Variants in LRRIQ1 observed in about 807,000 individuals in gnomAD.
LRRIQ1 encodes leucine rich repeats and IQ motif containing 1.
In LRRIQ1, 210 loss-of-function variants were observed where a neutral mutation model predicts 211.9. The observed-to-expected ratio is 0.99, with a 90% confidence interval of 0.89 to 1.11. LRRIQ1 has a LOEUF of 1.11. Among genes scored for constraint, LRRIQ1 ranks in the 50% most tolerant of loss-of-function variants. The pLI, the probability that LRRIQ1 is intolerant of heterozygous loss-of-function variation, is 0.00. For missense variants in LRRIQ1, 2,136 were observed against 1,939.5 expected, an observed-to-expected ratio of 1.10 and a Z score of -1.90; for synonymous variants, 699 against 650.1, an observed-to-expected ratio of 1.08 and a Z score of -1.14.
chr12:85,218,873 C>G lies in LRRIQ1; in HGVS notation c.4823-10644C>G, dbSNP rs185989478. 6.5e-3 allele frequency among the ~76,000 whole-genome samples: 988 copies of G among 152,196 alleles called. 6 individuals are homozygous for G. Among genetic ancestry groups the G allele is most frequent in the Non-Finnish European group, 7.9e-3 (540 of 67,952 alleles). On this transcript the variant is annotated intron_variant, in intron 24 of 26. Transcript: ENST00000393217. ...CCTTTTGCATCAGGCTTCAATACAA[C>G]TTGGCATAACACTGTTACTAATCCT... is the stretch of plus-strand genomic sequence containing the variant.
chr12:85,164,833 A>T (rs2136760483), intron 24 of LRRIQ1, among the ~76,000 whole-genome samples: 1 of 152,330 alleles, frequency 6.6e-6, no homozygotes, highest in South Asian at 2.1e-4. Flanking sequence ...TAGAGAAAAA[A>T]GATTACCAGG....
rs1196350429 is a variant in LRRIQ1, at chr12:85,233,815, A to G, written c.5016+1059A>G. 3.3e-5 allele frequency among the ~76,000 whole-genome samples: 5 copies of G among 152,290 alleles called. No individual in the cohort carries two copies. In the East Asian group the frequency reaches 9.6e-4, roughly 29 times the overall value. On this transcript the variant is annotated intron_variant, in intron 26 of 26. Coordinates refer to ENST00000393217, the MANE Select transcript of LRRIQ1 (RefSeq NM_001079910.2). ...TGTAGATTATCCAAGGAAAATTGCT[A>G]ATTTAGGCCATTAACACTACACATA...
chr12:85,184,719 T>G (rs1892148502), intron 24 of LRRIQ1, among the ~76,000 whole-genome samples: 1 of 151,968 alleles, frequency 6.6e-6, no homozygotes, highest in Non-Finnish European at 1.5e-5. Context: ...AATTTTTTTT[T>G]GCTTTTCTGT....
At chr12:85,256,681 A>ATT (rs1896105043) in intron 1 of LRRIQ1, among the ~76,000 whole-genome samples, 2 of 151,598 alleles carry the variant, frequency 1.3e-5, no homozygotes, top group African/African-American at 4.8e-5. Context: ...TAAAGATGAA[A>ATT]TTAAGAAAAT....
At chr12:85,080,370 T>C (rs984701629) in intron 11 of LRRIQ1, among the ~76,000 whole-genome samples, 1 of 151,840 alleles carries the variant, frequency 6.6e-6, no homozygotes, top group Non-Finnish European at 1.5e-5. Flanking sequence ...ATTTAATATA[T>C]GTTAACAGAT....
At chr12:85,247,014 A>G (rs767549974), downstream of LRRIQ1, among the ~76,000 whole-genome samples, 10 of 151,532 alleles carry the variant, frequency 6.6e-5, no homozygotes, top group Non-Finnish European at 1.2e-4. Context: ...TAGAACACAA[A>G]CTGGTACAAA....
intron 26 of LRRIQ1, among the ~76,000 whole-genome samples, chr12:85,239,125 A>G (rs1219373878): frequency 6.6e-6 from 1 of 152,268 alleles, no homozygotes; most frequent in East Asian, 1.9e-4. Flanking sequence ...CCATATTTAT[A>G]AATAAGTTGA....
chr12:85,072,967 G>C lies in LRRIQ1; in HGVS notation c.2756G>C (p.Gly919Ala). 1 of 1,612,298 alleles carries C rather than the reference G, an allele frequency of 6.2e-7. No individual in the cohort carries two copies. The highest frequency in any genetic ancestry group is 1.1e-5 in the South Asian group (1 of 90,996). Residue 919 changes from glycine to alanine, a missense_variant, in exon 11 of 27, where the codon GGC (glycine) becomes GCC (alanine). Transcript: ENST00000393217. ...VDNAGFCHHLGTSTSYLSLAQ... is the reference protein window; with the variant it reads ...VDNAGFCHHLATSTSYLSLAQ... Reference sequence around the variant, plus strand: ...AATGCAGGGTTCTGCCATCACTTGGGCACCTCCACTTCTTACTTATCCCTG... The same window carrying C: ...AATGCAGGGTTCTGCCATCACTTGGCCACCTCCACTTCTTACTTATCCCTG...
intron 19 of LRRIQ1, among the ~76,000 whole-genome samples, chr12:85,140,209 C>T (rs986341496): frequency 1.3e-5 from 2 of 151,182 alleles, no homozygotes; most frequent in African/African-American, 4.8e-5. Context: ...CTTCAGTTTT[C>T]CACAACAAAC....
chr12:85,137,778 G>T, intron 18 of LRRIQ1, 72 bp from the exon 19 acceptor site: 1 of 1,260,230 alleles, frequency 7.9e-7, no homozygotes, highest in Non-Finnish European at 1.1e-6. Context: ...TCTTCCTAAT[G>T]GGATAACACA....
intron 26 of LRRIQ1, among the ~76,000 whole-genome samples, chr12:85,239,790 C>A (rs1333685460): frequency 5.3e-5 from 8 of 151,976 alleles, no homozygotes; most frequent in Non-Finnish European, 1.0e-4. Flanking sequence ...CCAGCCTGGT[C>A]AACATGATGA....
intron 24 of LRRIQ1, among the ~76,000 whole-genome samples, chr12:85,184,454 T>C (rs888993137): frequency 6.6e-5 from 10 of 152,164 alleles, no homozygotes; most frequent in African/African-American, 2.2e-4. Context: ...CTTATACATA[T>C]AGATGTGTAT....
chr12:85,257,095 A>AT, intron 1 of LRRIQ1, among the ~76,000 whole-genome samples: 1 of 113,380 alleles, frequency 8.8e-6, no homozygotes, highest in South Asian at 2.3e-4. Flanking sequence ...TATATTATAT[A>AT]ATTATATAAA....
chr12:85,134,503 T>C lies in LRRIQ1; in HGVS notation c.4210-3347T>C, dbSNP rs185892355. 1.2e-4 allele frequency among the ~76,000 whole-genome samples: 19 copies of C among 152,190 alleles called. No individual in the cohort carries two copies. In the East Asian group the frequency reaches 2.5e-3, roughly 20 times the overall value. ...TGCTATGTCATGTGTGCCTTGTATA[T>C]AATAGACATTCAGTAAATTTTGAAA... On this transcript the variant is annotated intron_variant, in intron 18 of 26. Transcript: ENST00000393217.
intron 22 of LRRIQ1, 95 bp from the exon 23 acceptor site, chr12:85,153,917 T>C (rs1273228068): frequency 2.1e-6 from 2 of 974,192 alleles, no homozygotes; most frequent in African/African-American, 1.7e-5. Context: ...TATTTTAGTA[T>C]GCTATAATTC....
chr12:85,142,806 C>A (rs1214008813), intron 19 of LRRIQ1, among the ~76,000 whole-genome samples: 1 of 151,550 alleles, frequency 6.6e-6, no homozygotes, highest in East Asian at 1.9e-4. Flanking sequence ...AAGTTCCCAT[C>A]TTTTTTATGG....
intron 26 of LRRIQ1, among the ~76,000 whole-genome samples, chr12:85,237,542 C>G (rs1895247872): frequency 6.6e-6 from 1 of 152,026 alleles, no homozygotes; most frequent in African/African-American, 2.4e-5. Flanking sequence ...CAGAAGGGAA[C>G]AGCTACTGGG....
intron 13 of LRRIQ1, among the ~76,000 whole-genome samples, chr12:85,102,954 AAAAAAAT>A (rs1441856204): frequency 5.0e-5 from 6 of 120,968 alleles, no homozygotes; most frequent in Admixed American, 8.8e-5. Flanking sequence ...CAAAAAAAAA[AAAAAAAT>A]ATATATATAT....
At chr12:85,268,041 ACAAT>A (rs1896460784), downstream of LRRIQ1, among the ~76,000 whole-genome samples, 1 of 152,010 alleles carries the variant, frequency 6.6e-6, no homozygotes, top group Admixed American at 6.6e-5. Context: ...CCTTTCCAGA[ACAAT>A]ATTCCAAAAT....
Sources: allele counts gnomAD v4.1 joint callset (sites outside exome capture counted in the v4.1 genomes callset), GRCh38; gene constraint gnomAD v4.1.1; transcripts MANE v1.5; gene names NCBI Gene and HGNC (gene_info 2026-07-23, HGNC 2026-07-21).